HDAC4: variants seen among roughly 807,000 people sequenced by gnomAD.
HDAC4 encodes the protein histone deacetylase 4.
Under a neutral mutation model 135.1 loss-of-function variants are expected in HDAC4, and 16 were observed. The ratio of observed to expected loss-of-function variants is 0.12; its 90% CI spans 0.08 to 0.18. The LOEUF (loss-of-function observed/expected upper bound fraction) is 0.18. Among genes scored for constraint, HDAC4 ranks in the 10% least tolerant of loss-of-function variants. The pLI is 1.00. For synonymous variants in HDAC4, 685 were observed against 653.4 expected (o/e 1.05, Z -0.74); for missense variants, 1,143 against 1,511.8 (o/e 0.76, Z 4.05).
chr2:239,345,559 C>T (rs959359817), intron 2 of HDAC4, among the ~76,000 whole-genome samples: 2 of 151,744 alleles, frequency 1.3e-5, no homozygotes, highest in African/African-American at 4.8e-5. Context: ...CTAACACACA[C>T]ACACACACCC....
chr2:239,123,717 G>A (rs1482456304), intron 12 of HDAC4, among the ~76,000 whole-genome samples: 1 of 152,216 alleles, frequency 6.6e-6, no homozygotes, highest in African/African-American at 2.4e-5. Context: ...CTTGAGAGAA[G>A]GAAATTGGGA....
intron 15 of HDAC4, among the ~76,000 whole-genome samples, chr2:239,105,812 G>A (rs1238079057): frequency 7.9e-5 from 12 of 152,146 alleles, no homozygotes; most frequent in Non-Finnish European, 1.8e-4. Context: ...CGTACCCATG[G>A]CCCCTCTGCT....
chr2:239,116,223 G>A (rs188591760), intron 12 of HDAC4, among the ~76,000 whole-genome samples: 88 of 152,288 alleles, frequency 5.8e-4, no homozygotes, highest in African/African-American at 2.0e-3. Context: ...GTGGTGCTGA[G>A]CCCAAACTCG....
At chr2:239,357,862 C>A (rs1385074475) in intron 1 of HDAC4, among the ~76,000 whole-genome samples, 6 of 137,106 alleles carry the variant, frequency 4.4e-5, no homozygotes, top group Non-Finnish European at 7.6e-5. Context: ...GTACCCCAGC[C>A]TGGGTGACAG....
At position 239,137,233 on chromosome 2, in the gene HDAC4, C is replaced by A. The variant is rs146890946; in HGVS notation, c.978+2451G>T. The stretch of plus-strand genomic sequence containing the variant: ...TCTGCTGCCTCGGGGCCGAGCCCTG[C>A]GGGAGGCATTCTGAGGCTGGCGCCC... On this transcript the variant is annotated intron_variant, in intron 9 of 26. Transcript: ENST00000543185. Among the ~76,000 whole-genome samples, 172 of 152,318 alleles carry A rather than the reference C, an allele frequency of 1.1e-3. 2 individuals carry two copies. Among genetic ancestry groups the A allele is most frequent in the African/African-American group, 4.1e-3 (170 of 41,578 alleles).
intron 5 of HDAC4, among the ~76,000 whole-genome samples, chr2:239,168,626 C>T (rs1001533695): frequency 1.3e-5 from 2 of 152,210 alleles, no homozygotes; most frequent in Non-Finnish European, 1.5e-5. Context: ...TAGATGCTGG[C>T]GGTGCTTCGT....
At chr2:239,127,213 T>C (rs964096360) in intron 11 of HDAC4, among the ~76,000 whole-genome samples, 10 of 152,208 alleles carry the variant, frequency 6.6e-5, no homozygotes, top group Non-Finnish European at 1.2e-4. Context: ...CGAGCACTGA[T>C]TTTATGCACA....
intron 1 of HDAC4, among the ~76,000 whole-genome samples, chr2:239,386,118 G>A (rs1191676361): frequency 1.3e-5 from 2 of 151,984 alleles, no homozygotes; most frequent in Non-Finnish European, 2.9e-5. Flanking sequence ...AGGATGCCAG[G>A]ACCAGGGCAG....
rs901938210 is a variant in HDAC4, at chr2:239,115,455, G to C, written c.1534-145C>G. The stretch of plus-strand genomic sequence containing the variant: ...TTATCACCCTGCCACAGGCCAGCAG[G>C]CACCTTTATCTCCCAACAGGCACTG... On this transcript the variant is annotated intron_variant, in intron 12 of 26. Coordinates refer to ENST00000543185, the MANE Select transcript of HDAC4 (RefSeq NM_001378414.1). This position sits in a 1 kb window ranked among gnomAD's most constrained non-coding sequence, Gnocchi z 6.3. The C allele has an allele frequency of 2.5e-5, 25 of 997,200 alleles. No homozygotes were observed. Among genetic ancestry groups the C allele is most frequent in the Non-Finnish European group, 3.4e-5 (23 of 679,060 alleles). The allele number at this position is 997,200 out of a possible 1,614,324, so 61.8% of individuals were successfully genotyped here.
chr2:239,275,879 G>A (rs2050329978), intron 2 of HDAC4, among the ~76,000 whole-genome samples: 2 of 152,192 alleles, frequency 1.3e-5, no homozygotes, highest in Admixed American at 1.3e-4. Context: ...GAAGGTATGG[G>A]GCGGAGAAGA....
Position 239,081,075 on chromosome 2 carries a change from T to A in HDAC4, c.2750+20A>T. On this transcript the variant is annotated intron_variant, in intron 22 of 26. Transcript: ENST00000543185. ...GGAAAAGCTGCTACTTCAGGTGTCA[T>A]GTGAAGCCGGGAGGCTCACCTGAAG... The A allele has an allele frequency of 6.4e-7, 1 of 1,574,360 alleles. No homozygotes were observed. Among genetic ancestry groups the A allele is most frequent in the Non-Finnish European group, 8.7e-7 (1 of 1,145,400 alleles).
chr2:239,283,573 A>G (rs2050950688), intron 2 of HDAC4, among the ~76,000 whole-genome samples: 1 of 152,254 alleles, frequency 6.6e-6, no homozygotes, highest in Non-Finnish European at 1.5e-5. Context: ...GCGAGCAGAG[A>G]AGAGAGCACT....
At chr2:239,137,328 G>C (rs914862383) in intron 9 of HDAC4, among the ~76,000 whole-genome samples, 2 of 152,230 alleles carry the variant, frequency 1.3e-5, no homozygotes, top group East Asian at 3.9e-4. Flanking sequence ...CCAGGCACGC[G>C]TGTAAATAAC....
chr2:239,179,254 G>A (rs961591355), intron 4 of HDAC4, among the ~76,000 whole-genome samples: 14 of 152,248 alleles, frequency 9.2e-5, no homozygotes, highest in African/African-American at 3.4e-4. Flanking sequence ...TCGTCCCTGT[G>A]TATTCTTCAA....
intron 3 of HDAC4, among the ~76,000 whole-genome samples, chr2:239,210,981 T>C (rs1411247222): frequency 1.3e-5 from 2 of 152,244 alleles, no homozygotes; most frequent in East Asian, 1.9e-4. Context: ...ACACTGAGGG[T>C]CCTTTACACA....
intron 22 of HDAC4, among the ~76,000 whole-genome samples, chr2:239,069,763 G>T (rs1425460704): frequency 1.4e-5 from 2 of 148,054 alleles, no homozygotes; most frequent in South Asian, 4.4e-4. Flanking sequence ...CACAGTGCAA[G>T]CCAGCAAGCC....
chr2:239,097,800 A>T (rs2037246338), intron 16 of HDAC4, among the ~76,000 whole-genome samples: 1 of 152,084 alleles, frequency 6.6e-6, no homozygotes, highest in African/African-American at 2.4e-5. Flanking sequence ...CCTAATGCCA[A>T]CCTCACCACA....
chr2:239,221,318 AG>A (rs1299693694), intron 3 of HDAC4, among the ~76,000 whole-genome samples: 1 of 152,160 alleles, frequency 6.6e-6, no homozygotes, highest in Non-Finnish European at 1.5e-5. Context: ...ACACCACATC[AG>A]GGGAGGAGAT....
intron 2 of HDAC4, among the ~76,000 whole-genome samples, chr2:239,281,716 C>T (rs753362274): frequency 2.0e-5 from 3 of 150,548 alleles, no homozygotes; most frequent in Non-Finnish European, 3.0e-5. Flanking sequence ...ACACCCCACT[C>T]TACAATGAAC....
Sources: allele counts gnomAD v4.1 joint callset (sites outside exome capture counted in the v4.1 genomes callset), GRCh38; gene constraint gnomAD v4.1.1; non-coding constraint Gnocchi (gnomAD v3.1); transcripts MANE v1.5; gene names NCBI Gene and HGNC (gene_info 2026-07-23, HGNC 2026-07-21).